ABI3BP: variants seen among roughly 807,000 people sequenced by gnomAD.
The protein encoded by ABI3BP is target of Nesh-SH3.
ABI3BP carries 216 observed loss-of-function variants against 268.6 expected under a neutral mutation model. The observed-to-expected ratio is 0.80, with a 90% CI of 0.72 to 0.90. The LOEUF (loss-of-function observed/expected upper bound fraction) is 0.90, where lower values mean the gene tolerates loss of function less well. Ranked by LOEUF, ABI3BP falls within the 40% of genes least tolerant of loss-of-function variation. The pLI is 0.00. For missense variants in ABI3BP, 2,090 were observed against 2,182.4 expected (o/e 0.96, Z 0.84); for synonymous variants, 730 against 730.0 (o/e 1.00, Z 0.00).
intron 29 of ABI3BP, 84 bp from the exon 30 acceptor site, chr3:100,833,241 G>T: frequency 7.7e-7 from 1 of 1,296,950 alleles, no homozygotes; most frequent in South Asian, 1.3e-5. Flanking sequence ...CTTGAAAAGT[G>T]AACTTTACCA....
intron 54 of ABI3BP, among the ~76,000 whole-genome samples, 168 bp downstream of exon 54, chr3:100,794,755 C>T (rs937552406): frequency 1.3e-5 from 2 of 151,806 alleles, no homozygotes; most frequent in Non-Finnish European, 2.9e-5. Context: ...TGAAAATCAG[C>T]ATAAATATTA....
intron 63 of ABI3BP, among the ~76,000 whole-genome samples, chr3:100,755,509 C>T (rs1474139657): frequency 6.6e-6 from 1 of 152,184 alleles, no homozygotes; most frequent in Non-Finnish European, 1.5e-5. Context: ...TCTCTCCCTC[C>T]ATACCCCAAA....
rs2095236348 is a variant in ABI3BP, at chr3:100,750,106, TAGGA to T, written c.*385_*388del. 1 of 230,182 alleles carries T rather than the reference TAGGA, an allele frequency of 4.3e-6. No individual in the cohort carries two copies. Among genetic ancestry groups the T allele is most frequent in the South Asian group, 1.8e-4 (1 of 5,534 alleles). The allele number at this position is 230,182 out of a possible 1,614,324, so 14.3% of individuals were successfully genotyped here. ...GAGATTTATGGAATTAACTCATCAA[TAGGA>T]AGAGTACACATCAATAAAAGTAAAT... is the stretch of plus-strand genomic sequence containing the variant. On this transcript the variant is annotated 3_prime_UTR_variant, in exon 68 of 68. Coordinates refer to ENST00000471714, the MANE Select transcript of ABI3BP (RefSeq NM_001375547.2).
At chr3:100,769,396 C>CT in intron 62 of ABI3BP, among the ~76,000 whole-genome samples, 1 of 152,274 alleles carries the variant, frequency 6.6e-6, no homozygotes, top group African/African-American at 2.4e-5. Flanking sequence ...AAAGTATACT[C>CT]TATCCATGAT....
intron 14 of ABI3BP, among the ~76,000 whole-genome samples, chr3:100,861,040 C>A (rs2098992806): frequency 6.6e-6 from 1 of 152,138 alleles, no homozygotes. Flanking sequence ...ATTTTAGACC[C>A]AGGCGACTTG....
chr3:100,957,955 G>A (rs1271766002), intron 1 of ABI3BP, among the ~76,000 whole-genome samples: 1 of 152,132 alleles, frequency 6.6e-6, no homozygotes, highest in Non-Finnish European at 1.5e-5. Context: ...TAGAGCTGGA[G>A]GAAAATGGCA....
At chr3:100,988,221 A>C (rs567624683) in intron 1 of ABI3BP, among the ~76,000 whole-genome samples, 1 of 152,154 alleles carries the variant, frequency 6.6e-6, no homozygotes, top group Non-Finnish European at 1.5e-5. Flanking sequence ...TTGTTTTGTC[A>C]AAGTGAGGTT....
intron 1 of ABI3BP, among the ~76,000 whole-genome samples, chr3:100,972,604 G>A (rs556328771): frequency 2.0e-5 from 3 of 152,282 alleles, no homozygotes; most frequent in African/African-American, 7.2e-5. Context: ...TGGTGTTTGA[G>A]GCACAGAGAG....
intron 62 of ABI3BP, among the ~76,000 whole-genome samples, chr3:100,767,505 T>C (rs1307800785): frequency 6.6e-6 from 1 of 151,816 alleles, no homozygotes; most frequent in Non-Finnish European, 1.5e-5. Context: ...GAATTCTGAA[T>C]TAAAATCTGT....
chr3:100,973,877 G>A (rs371925214), intron 1 of ABI3BP, among the ~76,000 whole-genome samples: 4 of 152,108 alleles, frequency 2.6e-5, no homozygotes, highest in African/African-American at 9.7e-5. Flanking sequence ...AAATGTAGCC[G>A]ATTTCCACAT....
In ABI3BP at chr3:100,815,057, C is replaced by T. The variant is rs181289016; in HGVS notation, c.3289+855G>A. On this transcript the variant is annotated intron_variant, in intron 44 of 67. Transcript: ENST00000471714. ...TTCTAAAACCTAAGCCATAGATTTT[C>T]GTTATTTCAACTGAGAGGGTTTAGG... is the stretch of plus-strand genomic sequence containing the variant. Among the ~76,000 whole-genome samples, 62 of 152,148 alleles carry T rather than the reference C, an allele frequency of 4.1e-4. No homozygotes were observed. In the East Asian group the frequency reaches 5.6e-3, roughly 14 times the overall value.
intron 65 of ABI3BP, 77 bp from the exon 66 acceptor site, chr3:100,753,025 G>A: frequency 7.1e-7 from 1 of 1,410,968 alleles, no homozygotes; most frequent in Non-Finnish European, 9.5e-7. Context: ...TACAAAATTT[G>A]TCAACTTGCT....
chr3:100,875,593 A>G lies in ABI3BP; in HGVS notation c.746-14T>C, dbSNP rs375062860. ...CATTCTGAATCACTGTTGAAATACAAAAAGACAGTGTGAGGGGGTGGGAAA... is the reference window on the plus strand; with the variant it reads ...CATTCTGAATCACTGTTGAAATACAGAAAGACAGTGTGAGGGGGTGGGAAA... On this transcript the variant is annotated splice_polypyrimidine_tract_variant and intron_variant, in intron 7 of 67. Coordinates refer to ENST00000471714, the MANE Select transcript of ABI3BP (RefSeq NM_001375547.2). 8.1e-6 allele frequency: 13 copies of G among 1,600,136 alleles called. No individual in the cohort carries two copies. In the African/African-American group the frequency reaches 9.4e-5, roughly 12 times the overall value.
chr3:100,934,710 G>T (rs988626721), intron 1 of ABI3BP, among the ~76,000 whole-genome samples: 9 of 150,092 alleles, frequency 6.0e-5, no homozygotes, highest in Non-Finnish European at 1.3e-4. Flanking sequence ...TTGTGGTTTT[G>T]ATTTGCATTT....
chr3:100,891,932 T>C (rs1198896663), intron 4 of ABI3BP, among the ~76,000 whole-genome samples: 1 of 152,196 alleles, frequency 6.6e-6, no homozygotes, highest in Non-Finnish European at 1.5e-5. Flanking sequence ...AGCATAGAGC[T>C]GGGGCTGGGT....
At chr3:100,900,239 C>T (rs2049617805) in intron 3 of ABI3BP, among the ~76,000 whole-genome samples, 1 of 152,198 alleles carries the variant, frequency 6.6e-6, no homozygotes, top group South Asian at 2.1e-4. Flanking sequence ...CATGTATGAG[C>T]TCCAATGAGG....
At position 100,749,563 on chromosome 3, in the gene ABI3BP, C is replaced by CAGTTGTT. The variant is rs1553710593; in HGVS notation, c.*931_*932insAACAACT. On this transcript the variant is annotated 3_prime_UTR_variant, in exon 68 of 68. Transcript: ENST00000471714. ...GATTTTTATTACAGATTGAATTAAA[C>CAGTTGTT]AGTTACAAAGACATTCTCTGATACA... is the stretch of plus-strand genomic sequence containing the variant. 3 of 396,792 alleles carry CAGTTGTT rather than the reference C, an allele frequency of 7.6e-6. No homozygotes were observed. Among genetic ancestry groups the CAGTTGTT allele is most frequent in the African/African-American group, 4.1e-5 (2 of 48,222 alleles). The allele number at this position is 396,792 out of a possible 1,614,324, so 24.6% of individuals were successfully genotyped here.
intron 39 of ABI3BP, among the ~76,000 whole-genome samples, chr3:100,820,616 A>G (rs1438133406): frequency 6.6e-6 from 1 of 152,226 alleles, no homozygotes; most frequent in Non-Finnish European, 1.5e-5. Flanking sequence ...TTTGACAATT[A>G]GTAAAATAAG....
chr3:100,764,304 A>C (rs1242470645), intron 63 of ABI3BP, among the ~76,000 whole-genome samples: 1 of 152,222 alleles, frequency 6.6e-6, no homozygotes, highest in Non-Finnish European at 1.5e-5. Context: ...TGCTTCATTC[A>C]GAGTTCTCAC....
Sources: allele counts gnomAD v4.1 joint callset (sites outside exome capture counted in the v4.1 genomes callset), GRCh38; gene constraint gnomAD v4.1.1; transcripts MANE v1.5; gene names NCBI Gene and HGNC (gene_info 2026-07-23, HGNC 2026-07-21).